ZNF282: variants seen among roughly 807,000 people sequenced by gnomAD.
ZNF282 encodes the protein zinc finger protein 282, also known as HTLV-I U5 repressive element-binding protein 1.
Under a neutral mutation model 61.9 loss-of-function variants are expected in ZNF282, and 30 were observed. The observed-to-expected ratio is 0.48, with a 90% CI of 0.36 to 0.66. ZNF282 has a LOEUF of 0.66. ZNF282 is among the 30% of genes least tolerant of loss of function. ZNF282 has a pLI of 0.00. For missense variants in ZNF282, 788 were observed against 941.4 expected (o/e 0.84, Z 2.13); for synonymous variants, 396 against 405.0 (o/e 0.98, Z 0.27).
chr7:149,220,886 G>GGATGCCA (rs1382896798), intron 7 of ZNF282, among the ~76,000 whole-genome samples: 1 of 151,202 alleles, frequency 6.6e-6, no homozygotes, highest in African/African-American at 2.4e-5. Flanking sequence ...ACGTGGGCCA[G>GGATGCCA]GATGCCAGGC....
intron 6 of ZNF282, among the ~76,000 whole-genome samples, chr7:149,213,480 T>C (rs1796116515): frequency 6.6e-6 from 1 of 152,066 alleles, no homozygotes; most frequent in South Asian, 2.1e-4. Flanking sequence ...GCACAGACCT[T>C]GGGCTAAGCC....
intron 6 of ZNF282, 59 bp downstream of exon 6, chr7:149,212,530 T>A: frequency 7.7e-7 from 1 of 1,295,398 alleles, no homozygotes; most frequent in South Asian, 1.3e-5. Context: ...AAGGAATCAT[T>A]AAATTAATAA....
At chr7:149,222,950 T>A (rs1796280399) in intron 7 of ZNF282, among the ~76,000 whole-genome samples, 1 of 142,238 alleles carries the variant, frequency 7.0e-6, no homozygotes, top group South Asian at 2.3e-4. Flanking sequence ...CTGGCCTTTT[T>A]AAATTGTATT....
chr7:149,207,511 G>A (rs377107532), intron 4 of ZNF282, 41 bp downstream of exon 4: 97 of 1,552,250 alleles, frequency 6.2e-5, no homozygotes, highest in Non-Finnish European at 7.8e-5. Context: ...AGGGAAGGGC[G>A]AGAGAGGACA....
intron 2 of ZNF282, among the ~76,000 whole-genome samples, chr7:149,204,739 A>G (rs1795966378): frequency 6.6e-6 from 1 of 152,178 alleles, no homozygotes; most frequent in Admixed American, 6.5e-5. Context: ...CAAGAGACAA[A>G]CAAGAAGCTT....
At chr7:149,197,113 A>G (rs965456196) in intron 1 of ZNF282, among the ~76,000 whole-genome samples, 6 of 152,220 alleles carry the variant, frequency 3.9e-5, no homozygotes, top group Admixed American at 1.3e-4. Context: ...ACCAGCCTCA[A>G]CCAGCCCCCC....
chr7:149,224,606 G>C lies in ZNF282; in HGVS notation c.1975G>C (p.Gly659Arg). 6.4e-7 allele frequency: 1 copy of C among 1,552,128 alleles called. No homozygotes were observed. Among genetic ancestry groups the C allele is most frequent in the Non-Finnish European group, 8.7e-7 (1 of 1,153,562 alleles). Residue 659 changes from glycine to arginine, a missense_variant, in exon 8 of 8, where the codon GGC (glycine) becomes CGC (arginine). Physicochemically the swap from Gly to Arg is moderately radical, Grantham distance 125. Transcript: ENST00000610704. ...LRVHSGGPGP[G>R]APRQLPPPPE... Reference sequence around the variant, plus strand: ...CGTGCACAGCGGCGGCCCGGGCCCCGGCGCCCCACGGCAGCTCCCGCCGCC... The same window carrying C: ...CGTGCACAGCGGCGGCCCGGGCCCCCGCGCCCCACGGCAGCTCCCGCCGCC...
chr7:149,216,053 A>G (rs895341393), intron 7 of ZNF282, among the ~76,000 whole-genome samples: 7 of 152,296 alleles, frequency 4.6e-5, no homozygotes, highest in African/African-American at 1.7e-4. Context: ...CCATTTTCCT[A>G]CTTAAGTTTG....
At chr7:149,221,227 C>T (rs1585576827) in intron 7 of ZNF282, among the ~76,000 whole-genome samples, 1 of 152,196 alleles carries the variant, frequency 6.6e-6, no homozygotes, top group Admixed American at 6.5e-5. Context: ...CCAGCTTGTG[C>T]AGTTTTTCAG....
chr7:149,198,892 C>T lies in ZNF282; in HGVS notation c.585+140C>T. ...ATTTCAGTGTCTTCTTAAAGCCTGT[C>T]TCCACTGAAACAACCTGGTCTTGGA... On this transcript the variant is annotated intron_variant, in intron 2 of 7. Coordinates refer to ENST00000610704, the MANE Select transcript of ZNF282 (RefSeq NM_003575.4). The surrounding 1 kb of genome is among the most constrained non-coding windows in gnomAD (Gnocchi z 4.3). 8.2e-7 allele frequency: 1 copy of T among 1,214,360 alleles called. No homozygotes were observed. The allele number at this position is 1,214,360 out of a possible 1,614,324, so 75.2% of individuals were successfully genotyped here.
chr7:149,222,467 C>T (rs1479648479), intron 7 of ZNF282, among the ~76,000 whole-genome samples: 1 of 151,978 alleles, frequency 6.6e-6, no homozygotes, highest in African/African-American at 2.4e-5. Context: ...TCTTTTCTTC[C>T]TATTGAGAGA....
At chr7:149,207,888 C>T (rs1280057555) in intron 4 of ZNF282, among the ~76,000 whole-genome samples, 5 of 152,216 alleles carry the variant, frequency 3.3e-5, no homozygotes, top group South Asian at 4.1e-4. Flanking sequence ...TCACCTCATT[C>T]GTCGGCCGAC....
intron 7 of ZNF282, among the ~76,000 whole-genome samples, chr7:149,217,551 A>G (rs1796177937): frequency 6.6e-6 from 1 of 151,950 alleles, no homozygotes; most frequent in African/African-American, 2.4e-5. Context: ...GTGGCAGAGT[A>G]AGGCTCTGTC....
chr7:149,224,169 C>T lies in ZNF282; in HGVS notation c.1538C>T (p.Ala513Val), dbSNP rs1446355560. Residue 513 changes from alanine to valine, a missense_variant, in exon 8 of 8, where the codon GCC becomes GTC. Coordinates refer to ENST00000610704, the MANE Select transcript of ZNF282 (RefSeq NM_003575.4). ...GLRRSLLLHG[A>V]RSKPYSCPEC... is the part of the protein sequence containing the mutation. Reference sequence around the variant, plus strand: ...CGGCGGAGCCTCCTCCTGCACGGCGCCCGCAGCAAGCCCTACTCGTGCCCC... The same window carrying T: ...CGGCGGAGCCTCCTCCTGCACGGCGTCCGCAGCAAGCCCTACTCGTGCCCC... The T allele has an allele frequency of 1.1e-5, 17 of 1,589,646 alleles. No homozygotes were observed. Among genetic ancestry groups the T allele is most frequent in the Non-Finnish European group, 1.4e-5 (17 of 1,173,286 alleles).
At chr7:149,199,655 C>G (rs544743925) in intron 2 of ZNF282, among the ~76,000 whole-genome samples, 5 of 152,084 alleles carry the variant, frequency 3.3e-5, no homozygotes, top group Admixed American at 6.6e-5. Context: ...TTCTCTCCTT[C>G]CCTCCCTTTT....
rs748316265 is a variant in ZNF282 at position 149,210,603 on chromosome 7, C to G, written c.851C>G (p.Pro284Arg). The G allele has an allele frequency of 6.2e-7, 1 of 1,612,008 alleles. No individual in the cohort carries two copies. Among genetic ancestry groups the G allele is most frequent in the Non-Finnish European group, 8.5e-7 (1 of 1,179,242 alleles). Residue 284 changes from proline to arginine, a missense_variant, in exon 5 of 8, where the codon CCT becomes CGT. This residue lies in a region of ZNF282 where 559 missense variants were observed against 642.0 expected (regional missense o/e 0.87). Transcript: ENST00000610704. ...TCCCCAGGAGCAGAGCCCCTGGTGC[C>G]TGCGCAGGATGCGTCCTCCCAGGTG... ...DPEAGAEPLV[P>R]AQDASSQVKR...
chr7:149,207,980 C>A (rs74392494), intron 4 of ZNF282, among the ~76,000 whole-genome samples: 235 of 152,310 alleles, frequency 1.5e-3, no homozygotes, highest in African/African-American at 5.2e-3. Context: ...AAATCGGGCC[C>A]CCCGAGCACA....
At chr7:149,223,463 A>G (rs1796292783) in intron 7 of ZNF282, among the ~76,000 whole-genome samples, 1 of 152,102 alleles carries the variant, frequency 6.6e-6, no homozygotes. Context: ...ACAAACAAAC[A>G]AAAAACATTG....
rs1177917548 is a variant in ZNF282 at position 149,210,708 on chromosome 7, A to G, written c.952+4A>G. ...ATCCCTACGGAATCCATTACCGGTG[A>G]GTGAGCCAAGCAGCCGTCCACACCA... is the stretch of plus-strand genomic sequence containing the variant. On this transcript the variant is annotated splice_donor_region_variant and intron_variant, in intron 5 of 7. Coordinates refer to ENST00000610704, the MANE Select transcript of ZNF282 (RefSeq NM_003575.4). 1 of 1,583,912 alleles carries G rather than the reference A, an allele frequency of 6.3e-7. No homozygotes were observed. Among genetic ancestry groups the G allele is most frequent in the African/African-American group, 1.3e-5 (1 of 74,104 alleles).
Sources: allele counts gnomAD v4.1 joint callset (sites outside exome capture counted in the v4.1 genomes callset), GRCh38; gene constraint gnomAD v4.1.1; regional missense constraint gnomAD v4.1.1; non-coding constraint Gnocchi (gnomAD v3.1); transcripts MANE v1.5; gene names NCBI Gene and HGNC (gene_info 2026-07-23, HGNC 2026-07-21).